The following NCAM2 variants were observed in gnomAD, a reference collection of about 807,000 sequenced individuals.
NCAM2 encodes the protein neural cell adhesion molecule 2, also known as N-CAM-2.
In NCAM2, 30 loss-of-function variants were observed where a neutral mutation model predicts 98.1. The ratio of observed to expected loss-of-function variants is 0.31; its 90% CI spans 0.23 to 0.41. NCAM2 has a LOEUF of 0.41. NCAM2 is among the 10% of genes least tolerant of loss of function. The pLI is 1.00. For synonymous variants in NCAM2, 368 were observed against 342.4 expected (o/e 1.07, Z -0.83); for missense variants, 867 against 1,005.8 (o/e 0.86, Z 1.87).
At chr21:21,421,622 C>A (rs1363688078) in intron 11 of NCAM2, among the ~76,000 whole-genome samples, 1 of 152,066 alleles carries the variant, frequency 6.6e-6, no homozygotes, top group Non-Finnish European at 1.5e-5. Context: ...ATCTGTCCTG[C>A]AGAATCCTAA....
At chr21:21,379,731 G>T (rs2148080005) in intron 9 of NCAM2, among the ~76,000 whole-genome samples, 1 of 152,082 alleles carries the variant, frequency 6.6e-6, no homozygotes, top group Admixed American at 6.6e-5. Context: ...AGTTGTTATT[G>T]TGTTTTAATG....
At chr21:21,328,739 A>G (rs1168539966) in intron 6 of NCAM2, among the ~76,000 whole-genome samples, 1 of 152,034 alleles carries the variant, frequency 6.6e-6, no homozygotes, top group Non-Finnish European at 1.5e-5. Context: ...AAGAGTATAT[A>G]AAGTAAAAAA....
intron 16 of NCAM2, among the ~76,000 whole-genome samples, chr21:21,510,454 T>C (rs1344015963): frequency 2.6e-5 from 4 of 152,102 alleles, no homozygotes; most frequent in Non-Finnish European, 2.9e-5. Flanking sequence ...TCTACCCTTC[T>C]GTATCTGACA....
intron 1 of NCAM2, among the ~76,000 whole-genome samples, chr21:21,020,882 C>T (rs949512305): frequency 6.6e-6 from 1 of 152,086 alleles, no homozygotes; most frequent in Non-Finnish European, 1.5e-5. Context: ...TATCTTTATA[C>T]CCTCTGGAAG....
At chr21:21,149,571 C>T (rs1942899422) in intron 1 of NCAM2, among the ~76,000 whole-genome samples, 2 of 151,912 alleles carry the variant, frequency 1.3e-5, no homozygotes, top group East Asian at 3.9e-4. Context: ...CCCCTTGCCC[C>T]CCACCCCCCG....
At chr21:21,414,652 G>T (rs1602268280) in intron 10 of NCAM2, among the ~76,000 whole-genome samples, 1 of 151,524 alleles carries the variant, frequency 6.6e-6, no homozygotes, top group South Asian at 2.1e-4. Flanking sequence ...TGTATTTTTA[G>T]TTGAGACGGA....
At chr21:21,507,089 ATAACT>A (rs895749596) in intron 15 of NCAM2, among the ~76,000 whole-genome samples, 1 of 152,030 alleles carries the variant, frequency 6.6e-6, no homozygotes, top group African/African-American at 2.4e-5. Context: ...AGAAATAAAA[ATAACT>A]TAAACCTATT....
rs148011702 is a variant in NCAM2, at chr21:21,498,859, G to A, written c.2078-9992G>A. Among the ~76,000 whole-genome samples, 112 of 152,132 alleles carry A rather than the reference G, an allele frequency of 7.4e-4. 1 individual carries two copies. Among genetic ancestry groups the A allele is most frequent in the African/African-American group, 2.6e-3 (106 of 41,516 alleles). ...TAAATATGTTAATGATCACAAAAACGTAATAATGTACTAGGGGGCAAAATG... is the reference window on the plus strand; with the variant it reads ...TAAATATGTTAATGATCACAAAAACATAATAATGTACTAGGGGGCAAAATG... On this transcript the variant is annotated intron_variant, in intron 15 of 17. Coordinates refer to ENST00000400546, the MANE Select transcript of NCAM2 (RefSeq NM_004540.5).
intron 5 of NCAM2, among the ~76,000 whole-genome samples, chr21:21,309,138 A>C (rs1286679543): frequency 6.6e-6 from 1 of 152,112 alleles, no homozygotes; most frequent in Non-Finnish European, 1.5e-5. Context: ...ATTGTGTACT[A>C]TCATCTGTTA....
At chr21:21,404,033 TA>T (rs1424993958) in intron 9 of NCAM2, among the ~76,000 whole-genome samples, 3 of 152,176 alleles carry the variant, frequency 2.0e-5, no homozygotes, top group Non-Finnish European at 4.4e-5. Context: ...CTCTTTATGA[TA>T]AAAATAATTG....
intron 1 of NCAM2, among the ~76,000 whole-genome samples, chr21:21,159,671 C>T (rs1005849291): frequency 2.0e-5 from 3 of 152,070 alleles, no homozygotes; most frequent in Non-Finnish European, 4.4e-5. Flanking sequence ...TGTAAGTCCA[C>T]TCTGACGTTC....
At chr21:21,158,205 C>A (rs951574626) in intron 1 of NCAM2, among the ~76,000 whole-genome samples, 3 of 152,140 alleles carry the variant, frequency 2.0e-5, no homozygotes, top group African/African-American at 7.2e-5. Context: ...AATTTAGATT[C>A]TCTTCTATGT....
At chr21:21,527,087 C>A (rs1373202671) in intron 16 of NCAM2, among the ~76,000 whole-genome samples, 1 of 150,846 alleles carries the variant, frequency 6.6e-6, no homozygotes, top group Non-Finnish European at 1.5e-5. Flanking sequence ...GGATTCAACA[C>A]CAAAAGCACA....
intron 9 of NCAM2, among the ~76,000 whole-genome samples, chr21:21,387,249 A>G (rs999893854): frequency 6.6e-6 from 1 of 151,266 alleles, no homozygotes; most frequent in Non-Finnish European, 1.5e-5. Context: ...TTCTCTTTTT[A>G]TAAGGGCAGT....
intron 15 of NCAM2, among the ~76,000 whole-genome samples, chr21:21,491,727 A>T (rs1827032208): frequency 6.6e-6 from 1 of 151,592 alleles, no homozygotes; most frequent in Non-Finnish European, 1.5e-5. Context: ...AATTTCTCTT[A>T]TTCCATGACA....
rs1478143675 is a variant in NCAM2 at position 21,385,448 on chromosome 21, T to G, written c.1195+11435T>G. Among the ~76,000 whole-genome samples the G allele has an allele frequency of 9.3e-5, 14 of 150,962 alleles. No individual in the cohort carries two copies. In the East Asian group the frequency reaches 2.7e-3, roughly 29 times the overall value. ...ATTACCAGAACAGTCTTATACCACC[T>G]GAACCAAGCACCTACAGGGTAATAC... On this transcript the variant is annotated intron_variant, in intron 9 of 17. Transcript: ENST00000400546.
At chr21:21,090,167 C>G (rs2826653) in intron 1 of NCAM2, among the ~76,000 whole-genome samples, 34,136 of 152,152 alleles carry the variant, frequency 0.22, 4,471 homozygotes, top group African/African-American at 0.36. Flanking sequence ...CACAATCTTC[C>G]TAGTAATGTG....
chr21:21,265,515 A>AT (rs1207060260), intron 1 of NCAM2, among the ~76,000 whole-genome samples: 36 of 144,070 alleles, frequency 2.5e-4, no homozygotes, highest in Admixed American at 3.6e-4. Context: ...GTGTATATAT[A>AT]CACATACACA....
chr21:21,017,812 T>C (rs1450378070), intron 1 of NCAM2, among the ~76,000 whole-genome samples: 1 of 152,136 alleles, frequency 6.6e-6, no homozygotes, highest in Non-Finnish European at 1.5e-5. Context: ...GTAAAATATA[T>C]TTTTAAAATT....
Sources: gnomAD v4.1 joint callset for allele counts (sites outside exome capture counted in the v4.1 genomes callset) on GRCh38, gnomAD v4.1.1 for gene constraint, MANE v1.5 for transcripts, NCBI Gene and HGNC (gene_info 2026-07-23, HGNC 2026-07-21) for gene names.